The following OPCML variants were observed in gnomAD, a reference collection of about 807,000 sequenced individuals.
OPCML encodes opioid binding protein/cell adhesion molecule like.
In OPCML, 13 loss-of-function variants were observed where a neutral mutation model predicts 37.8. That is an observed-to-expected ratio of 0.34 (90% CI 0.22 to 0.55). The LOEUF is 0.55. Ranked by LOEUF, OPCML falls within the 20% of genes least tolerant of loss-of-function variation. OPCML has a pLI of 0.91. For missense variants in OPCML, 341 were observed against 435.6 expected, an observed-to-expected ratio of 0.78 and a Z score of 1.93; for synonymous variants, 176 against 168.8, an observed-to-expected ratio of 1.04 and a Z score of -0.33.
chr11:132,822,503 AGTGTGTGTGT>A (rs35359537), intron 2 of OPCML, among the ~76,000 whole-genome samples: 1 of 149,544 alleles, frequency 6.7e-6, no homozygotes, highest in African/African-American at 2.5e-5. Flanking sequence ...AGGAGAGTGA[AGTGTGTGTGT>A]GTGTGTGTGT....
intron 1 of OPCML, among the ~76,000 whole-genome samples, chr11:133,459,003 A>G (rs767154068): frequency 3.3e-5 from 5 of 152,054 alleles, no homozygotes; most frequent in Non-Finnish European, 7.4e-5. Context: ...GGTAAAAGCC[A>G]AAAGCAAAAA....
intron 1 of OPCML, among the ~76,000 whole-genome samples, chr11:133,402,657 G>A (rs1045748817): frequency 6.6e-5 from 10 of 152,114 alleles, no homozygotes; most frequent in African/African-American, 1.7e-4. Context: ...CGAACAATAT[G>A]GCCAGACCAA....
intron 2 of OPCML, among the ~76,000 whole-genome samples, chr11:132,677,700 A>G (rs748829442): frequency 6.6e-6 from 1 of 152,182 alleles, no homozygotes; most frequent in Non-Finnish European, 1.5e-5. Flanking sequence ...TGATGTCCAC[A>G]TGAAAAAGAA....
chr11:133,519,082 C>T (rs530251658), intron 1 of OPCML, among the ~76,000 whole-genome samples: 8 of 152,182 alleles, frequency 5.3e-5, no homozygotes, highest in South Asian at 2.1e-4. Flanking sequence ...GCTCCCGTTG[C>T]GGGGTGGCTG....
intron 1 of OPCML, among the ~76,000 whole-genome samples, chr11:133,220,900 G>C (rs1939789884): frequency 6.6e-6 from 1 of 152,146 alleles, no homozygotes; most frequent in Non-Finnish European, 1.5e-5. Context: ...AGCCATGGAA[G>C]ATCCCCAGGC....
chr11:132,851,295 A>G (rs1941798923), intron 2 of OPCML, among the ~76,000 whole-genome samples: 2 of 152,208 alleles, frequency 1.3e-5, no homozygotes, highest in Non-Finnish European at 2.9e-5. Context: ...GCTATACCAC[A>G]ATTTTTTAAA....
At chr11:133,182,579 G>T (rs1203551487) in intron 1 of OPCML, among the ~76,000 whole-genome samples, 1 of 152,130 alleles carries the variant, frequency 6.6e-6, no homozygotes, top group East Asian at 1.9e-4. Context: ...TCTAAAAGGG[G>T]TATCCTAATG....
chr11:133,427,493 C>T (rs771793856), intron 1 of OPCML, among the ~76,000 whole-genome samples: 1 of 151,966 alleles, frequency 6.6e-6, no homozygotes, highest in East Asian at 1.9e-4. Context: ...ATCTTAAATG[C>T]TTTACTATTA....
chr11:133,481,775 T>C (rs1947377489), intron 1 of OPCML, among the ~76,000 whole-genome samples: 1 of 152,198 alleles, frequency 6.6e-6, no homozygotes, highest in Admixed American at 6.5e-5. Flanking sequence ...TGCAGGACAG[T>C]GTTCATAACC....
intron 1 of OPCML, among the ~76,000 whole-genome samples, chr11:133,036,226 C>T (rs916316405): frequency 2.0e-5 from 3 of 152,150 alleles, no homozygotes; most frequent in East Asian, 1.9e-4. Context: ...GCAATGGTAT[C>T]GAGTTAAGAA....
chr11:133,110,933 A>G (rs1949241926), intron 1 of OPCML, among the ~76,000 whole-genome samples: 2 of 152,156 alleles, frequency 1.3e-5, no homozygotes, highest in South Asian at 4.1e-4. Context: ...GCAGTTAGTA[A>G]ACCTTTCTGG....
chr11:132,668,519 T>A (rs543629139), intron 2 of OPCML, among the ~76,000 whole-genome samples: 1 of 152,160 alleles, frequency 6.6e-6, no homozygotes. Flanking sequence ...AAGAAAGTGA[T>A]GCGTGTTGAG....
chr11:133,057,400 G>T (rs1461637683), intron 1 of OPCML, among the ~76,000 whole-genome samples: 1 of 152,198 alleles, frequency 6.6e-6, no homozygotes, highest in Non-Finnish European at 1.5e-5. Flanking sequence ...CTCTTCGACT[G>T]ATTGCCCAGT....
intron 1 of OPCML, among the ~76,000 whole-genome samples, chr11:133,179,017 TC>T (rs1302601477): frequency 6.6e-6 from 1 of 152,110 alleles, no homozygotes; most frequent in Non-Finnish European, 1.5e-5. Flanking sequence ...GACTGGCTAT[TC>T]CCCCTCCCCC....
intron 1 of OPCML, among the ~76,000 whole-genome samples, chr11:133,044,174 C>T (rs933964839): frequency 1.3e-5 from 2 of 152,130 alleles, no homozygotes; most frequent in African/African-American, 2.4e-5. Flanking sequence ...TGTGCATGTG[C>T]TTGCATGTGT....
chr11:133,249,484 G>A (rs1403142087), intron 1 of OPCML, among the ~76,000 whole-genome samples: 1 of 152,132 alleles, frequency 6.6e-6, no homozygotes, highest in Non-Finnish European at 1.5e-5. Context: ...TCAACTTGAG[G>A]TTTGGAGGGG....
chr11:133,047,416 C>T (rs760030964), intron 1 of OPCML, among the ~76,000 whole-genome samples: 8 of 152,192 alleles, frequency 5.3e-5, no homozygotes, highest in Admixed American at 6.5e-5. Context: ...TTCCTTGATT[C>T]GGTTGTTATT....
chr11:132,730,565 C>A (rs1378542490), intron 2 of OPCML, among the ~76,000 whole-genome samples: 1 of 152,122 alleles, frequency 6.6e-6, no homozygotes, highest in Non-Finnish European at 1.5e-5. Context: ...CCTGGAGAAG[C>A]ACCTGAGTGA....
chr11:133,037,205 C>T (rs1947798608), intron 1 of OPCML, among the ~76,000 whole-genome samples: 1 of 152,188 alleles, frequency 6.6e-6, no homozygotes, highest in South Asian at 2.1e-4. Flanking sequence ...GTCAATAGAG[C>T]TAACTTCAAA....
Sources: gnomAD v4.1 joint callset for allele counts (sites outside exome capture counted in the v4.1 genomes callset) on GRCh38, gnomAD v4.1.1 for gene constraint, MANE v1.5 for transcripts, NCBI Gene and HGNC (gene_info 2026-07-23, HGNC 2026-07-21) for gene names.